The following AGAP1 variants were observed in gnomAD, a reference collection of about 807,000 sequenced individuals.
The protein encoded by AGAP1 is arf-GAP with GTPase, ANK repeat and PH domain-containing protein 1.
Under a neutral mutation model 105.3 loss-of-function variants are expected in AGAP1, and 29 were observed. The observed-to-expected ratio is 0.28, with a 90% confidence interval of 0.21 to 0.38. The LOEUF is 0.38. Ranked by LOEUF, AGAP1 falls within the 10% of genes least tolerant of loss-of-function variation. The pLI is 1.00. For missense variants in AGAP1, 998 were observed against 1,165.1 expected (o/e 0.86, Z 2.09); for synonymous variants, 509 against 485.9 (o/e 1.05, Z -0.63).
At chr2:235,510,922 T>C (rs1208349258) in intron 1 of AGAP1, among the ~76,000 whole-genome samples, 2 of 138,556 alleles carry the variant, frequency 1.4e-5, no homozygotes, top group Non-Finnish European at 3.0e-5. Flanking sequence ...TTGTGACCTC[T>C]GGCCTCAGTT....
chr2:236,031,722 AT>A (rs2057230165), intron 13 of AGAP1, among the ~76,000 whole-genome samples: 1 of 151,826 alleles, frequency 6.6e-6, no homozygotes, highest in South Asian at 2.1e-4. Context: ...GGTCTCCATC[AT>A]TTTTTTCTGT....
chr2:235,707,115 A>G (rs943822906), intron 1 of AGAP1, among the ~76,000 whole-genome samples: 4 of 152,154 alleles, frequency 2.6e-5, no homozygotes, highest in South Asian at 2.1e-4. Context: ...TTAGCTCCCA[A>G]TGTGTCCGTG....
chr2:235,624,489 C>G (rs1946577443), intron 1 of AGAP1, among the ~76,000 whole-genome samples: 1 of 152,172 alleles, frequency 6.6e-6, no homozygotes, highest in African/African-American at 2.4e-5. Flanking sequence ...CTACATGTTG[C>G]TCTGGTTCTT....
intron 1 of AGAP1, among the ~76,000 whole-genome samples, chr2:235,504,874 G>A (rs979891367): frequency 4.6e-5 from 7 of 152,170 alleles, no homozygotes; most frequent in African/African-American, 1.7e-4. Flanking sequence ...CTTTTGGATT[G>A]TCTGCAGGCT....
rs1461787753 is a variant in AGAP1 at position 236,109,144 on chromosome 2, G to A, written c.2115-11048G>A. ...TGTGTGTAGGTGTGACTCTCCCCGC[G>A]CTCTCCAGGTGTCCCCAGAGGTCTT... is the stretch of plus-strand genomic sequence containing the variant. On this transcript the variant is annotated intron_variant, in intron 16 of 17. Transcript: ENST00000304032. The surrounding 1 kb of genome is among the most constrained non-coding windows in gnomAD (Gnocchi z 5.4). 6.7e-6 allele frequency among the ~76,000 whole-genome samples: 1 copy of A among 149,832 alleles called. No homozygotes were observed. The highest frequency in any genetic ancestry group is 1.5e-5 in the Non-Finnish European group (1 of 68,012).
At chr2:235,804,782 G>A (rs1312584407) in intron 8 of AGAP1, among the ~76,000 whole-genome samples, 1 of 152,250 alleles carries the variant, frequency 6.6e-6, no homozygotes, top group Non-Finnish European at 1.5e-5. Context: ...CTTAAAATCT[G>A]CAGCCCTTCT....
In AGAP1 at chr2:236,051,980, G is replaced by T. The variant is rs2057913675; in HGVS notation, c.2114+2699G>T. On this transcript the variant is annotated intron_variant, in intron 16 of 17. Transcript: ENST00000304032. The surrounding 1 kb of genome is among the most constrained non-coding windows in gnomAD (Gnocchi z 5.9). The stretch of plus-strand genomic sequence containing the variant: ...AAAGTCGGGGCTGGAATCTCCGCAA[G>T]CCGGTCTGTCCATGACGTGAGAAGA... Among the ~76,000 whole-genome samples, 1 of 152,150 alleles carries T rather than the reference G, an allele frequency of 6.6e-6. No homozygotes were observed. The highest frequency in any genetic ancestry group is 6.5e-5 in the Admixed American group (1 of 15,286).
At chr2:235,575,582 CTG>C (rs3056006) in intron 1 of AGAP1, among the ~76,000 whole-genome samples, 11,235 of 152,172 alleles carry the variant, frequency 0.074, 1,184 homozygotes, top group East Asian at 0.32. Flanking sequence ...CCTCCGTGAG[CTG>C]TGCTCACGGG....
At chr2:235,702,381 G>GC (rs1467235690) in intron 1 of AGAP1, among the ~76,000 whole-genome samples, 1 of 152,216 alleles carries the variant, frequency 6.6e-6, no homozygotes, top group East Asian at 1.9e-4. Flanking sequence ...GAGGAAGGAC[G>GC]CAGTGGAGGC....
chr2:235,760,680 G>A (rs1275187193), intron 6 of AGAP1, among the ~76,000 whole-genome samples: 1 of 152,144 alleles, frequency 6.6e-6, no homozygotes, highest in Admixed American at 6.5e-5. Flanking sequence ...CAGACTCTTG[G>A]GCTCAAGCCA....
intron 16 of AGAP1, among the ~76,000 whole-genome samples, chr2:236,103,819 G>A (rs957894086): frequency 5.3e-5 from 8 of 151,886 alleles, no homozygotes; most frequent in African/African-American, 1.7e-4. Context: ...TGCCAACCTC[G>A]GCCTCCCAAA....
rs185584031 is a variant in AGAP1, at chr2:235,757,748, G to T, written c.673+7260G>T. On this transcript the variant is annotated intron_variant, in intron 6 of 17. Transcript: ENST00000304032. Reference sequence around the variant, plus strand: ...AGCCTCGGTGTGCTCTTGATGCTTTGCTTCCAGAGATTGAAATCCTGGTGT... The same window carrying T: ...AGCCTCGGTGTGCTCTTGATGCTTTTCTTCCAGAGATTGAAATCCTGGTGT... 1.3e-4 allele frequency among the ~76,000 whole-genome samples: 20 copies of T among 152,286 alleles called. No homozygotes were observed. The East Asian group carries it at 3.9e-3, about 29-fold the overall frequency.
At chr2:236,077,024 C>A (rs961543315) in intron 16 of AGAP1, among the ~76,000 whole-genome samples, 1 of 149,376 alleles carries the variant, frequency 6.7e-6, no homozygotes, top group Non-Finnish European at 1.5e-5. Flanking sequence ...GCGGGAGGAT[C>A]GCTTGAGTCT....
chr2:235,602,394 A>C (rs1574942649), intron 1 of AGAP1, among the ~76,000 whole-genome samples: 1 of 152,282 alleles, frequency 6.6e-6, no homozygotes, highest in South Asian at 2.1e-4. Flanking sequence ...GGCCCGTGGC[A>C]GTGGAACTTT....
rs927581498 is a variant in AGAP1, at chr2:235,788,557, G to A, written c.674-9202G>A. On this transcript the variant is annotated intron_variant, in intron 6 of 17. Transcript: ENST00000304032. The surrounding 1 kb of genome is among the most constrained non-coding windows in gnomAD (Gnocchi z 6.0). The stretch of plus-strand genomic sequence containing the variant: ...GGCAAGGTGGGGCGAGGAGAAGAGC[G>A]GGAGGGTAGGTGAGGCCGGGCAAGG... Among the ~76,000 whole-genome samples, 3 of 151,844 alleles carry A rather than the reference G, an allele frequency of 2.0e-5. No individual in the cohort carries two copies. Among genetic ancestry groups the A allele is most frequent in the African/African-American group, 7.3e-5 (3 of 41,324 alleles).
At position 235,494,797 on chromosome 2, in the gene AGAP1, G is replaced by A. The variant is rs555891304; in HGVS notation, c.111G>A (p.Val37=). 1.3e-5 allele frequency: 20 copies of A among 1,585,364 alleles called. No homozygotes were observed. The African/African-American group carries it at 2.8e-4, about 22-fold the overall frequency. ...CCATCTACGAGCTGCTGGAGCGCGT[G>A]GAGGAGCCGGTGCTGCAGAACCAGA... ...IYSIYELLER[V]EEPVLQNQIR... The change falls in exon 1 of 18, where the codon GTG becomes GTA. Residue 37 remains valine, a synonymous_variant. Coordinates refer to ENST00000304032, the MANE Select transcript of AGAP1 (RefSeq NM_001037131.3).
chr2:235,688,080 TCAGTAGAGACGGGGTTTCAC>T (rs1949556272), intron 1 of AGAP1, among the ~76,000 whole-genome samples: 1 of 152,062 alleles, frequency 6.6e-6, no homozygotes, highest in Admixed American at 6.5e-5. Context: ...TTTTGTATTT[TCAGTAGAGACGGGGTTTCAC>T]CATGCTGGCC....
rs187164156 is a variant in AGAP1, at chr2:235,757,466, G to A, written c.673+6978G>A. On this transcript the variant is annotated intron_variant, in intron 6 of 17. Transcript: ENST00000304032. The stretch of plus-strand genomic sequence containing the variant: ...CCTCTGTTCACACGCTGTGTACATC[G>A]TCCTGGTGGATGGGTGTTTATCTGG... Among the ~76,000 whole-genome samples, 214 of 152,300 alleles carry A rather than the reference G, an allele frequency of 1.4e-3. 1 individual carries two copies. The highest frequency in any genetic ancestry group is 3.4e-3 in the Middle Eastern group (1 of 294).
intron 16 of AGAP1, among the ~76,000 whole-genome samples, chr2:236,094,923 CAAAAAAAAAAAAA>C (rs59126473): frequency 5.6e-4 from 21 of 37,794 alleles, no homozygotes; most frequent in African/African-American, 1.3e-3. Flanking sequence ...CCCATCTCTA[CAAAAAAAAAAAAA>C]AAAAAAAAAA....
Sources: gnomAD v4.1 joint callset for allele counts (sites outside exome capture counted in the v4.1 genomes callset) on GRCh38, gnomAD v4.1.1 for gene constraint, Gnocchi (gnomAD v3.1) non-coding constraint, MANE v1.5 for transcripts, NCBI Gene and HGNC (gene_info 2026-07-23, HGNC 2026-07-21) for gene names.